The following CHSY3 variants were observed in gnomAD, a reference collection of about 807,000 sequenced individuals.
CHSY3 encodes the protein chondroitin sulfate synthase 3, also known as N-acetylgalactosaminyl-proteoglycan 3-beta-glucuronosyltransferase 3.
In CHSY3, 35 loss-of-function variants were observed where a neutral mutation model predicts 67.2. The ratio of observed to expected loss-of-function variants is 0.52; its 90% CI spans 0.40 to 0.69. The LOEUF is 0.69. CHSY3 is among the 30% of genes least tolerant of loss of function. CHSY3 has a pLI of 0.00. For missense variants in CHSY3, 1,069 were observed against 1,138.5 expected, an observed-to-expected ratio of 0.94 and a Z score of 0.88; for synonymous variants, 474 against 434.7, an observed-to-expected ratio of 1.09 and a Z score of -1.12.
At chr5:130,106,370 C>G (rs1350190664) in intron 2 of CHSY3, among the ~76,000 whole-genome samples, 1 of 151,464 alleles carries the variant, frequency 6.6e-6, no homozygotes, top group Non-Finnish European at 1.5e-5. Context: ...CATATCACTC[C>G]CAGCAGTACA....
chr5:129,959,773 T>G (rs1343746349), intron 2 of CHSY3, among the ~76,000 whole-genome samples: 2 of 152,082 alleles, frequency 1.3e-5, no homozygotes, highest in East Asian at 3.9e-4. Context: ...CCGATTACAG[T>G]TTTTACTTTG....
At position 129,904,975 on chromosome 5, in the gene CHSY3, G is replaced by A. The variant is rs776183584; in HGVS notation, c.146G>A (p.Gly49Asp). The A allele has an allele frequency of 1.3e-6, 2 of 1,567,608 alleles. No individual in the cohort carries two copies. The highest frequency in any genetic ancestry group is 2.3e-5 in the South Asian group (2 of 86,308). Residue 49 changes from glycine (G) to aspartate (D), a missense_variant, in exon 1 of 3, where the codon GGT becomes GAT. Coordinates refer to ENST00000305031, the MANE Select transcript of CHSY3 (RefSeq NM_175856.5). ...RRGSSLCSYYGRSAAGPRAGA... is the reference protein window; with the variant it reads ...RRGSSLCSYYDRSAAGPRAGA... Reference sequence around the variant, plus strand: ...GGCTCCAGCCTCTGCTCCTACTACGGTCGCTCTGCTGCTGGCCCCCGCGCC... The same window carrying A: ...GGCTCCAGCCTCTGCTCCTACTACGATCGCTCTGCTGCTGGCCCCCGCGCC...
At chr5:130,015,348 G>T (rs1046568532) in intron 2 of CHSY3, among the ~76,000 whole-genome samples, 1 of 152,058 alleles carries the variant, frequency 6.6e-6, no homozygotes, top group African/African-American at 2.4e-5. Flanking sequence ...TATCTTCACA[G>T]CAGTGTGAGA....
intron 2 of CHSY3, among the ~76,000 whole-genome samples, chr5:129,962,650 C>G (rs1004137667): frequency 2.0e-5 from 3 of 152,008 alleles, no homozygotes; most frequent in Non-Finnish European, 4.4e-5. Context: ...GTCTCATGCT[C>G]TCTGCTCTCT....
At chr5:130,094,110 A>G (rs1258783446) in intron 2 of CHSY3, among the ~76,000 whole-genome samples, 1 of 152,136 alleles carries the variant, frequency 6.6e-6, no homozygotes, top group Non-Finnish European at 1.5e-5. Context: ...CCTTCTAGTA[A>G]TCTTTGACAA....
chr5:130,008,378 G>T (rs966736882), intron 2 of CHSY3, among the ~76,000 whole-genome samples: 1 of 152,176 alleles, frequency 6.6e-6, no homozygotes, highest in African/African-American at 2.4e-5. Context: ...TTGGCCCCCT[G>T]AAATCATTGA....
chr5:129,966,554 C>G (rs1423382774), intron 2 of CHSY3, among the ~76,000 whole-genome samples: 1 of 151,252 alleles, frequency 6.6e-6, no homozygotes, highest in Non-Finnish European at 1.5e-5. Flanking sequence ...AAGTAAATAA[C>G]AAATACCTTT....
In CHSY3 at chr5:129,904,990, G is replaced by C. The variant is rs762105107; in HGVS notation, c.161G>C (p.Gly54Ala). 1.3e-6 allele frequency: 2 copies of C among 1,567,062 alleles called. No homozygotes were observed. Among genetic ancestry groups the C allele is most frequent in the South Asian group, 2.3e-5 (2 of 86,404 alleles). ...LCSYYGRSAAGPRAGAQQPLP... is the reference protein window; with the variant it reads ...LCSYYGRSAAAPRAGAQQPLP... ...TCCTACTACGGTCGCTCTGCTGCTG[G>C]CCCCCGCGCCGGCGCTCAGCAGCCG... The change falls in exon 1 of 3, where the codon GGC becomes GCC. Residue 54 changes from glycine to alanine, a missense_variant. Physicochemically the swap from Gly to Ala is moderately conservative, Grantham distance 60. This residue lies in a region of CHSY3 where 309 missense variants were observed against 262.5 expected (regional missense o/e 1.18). Transcript: ENST00000305031.
At chr5:129,933,783 TTTTCATATAATTCTAAATTA>T (rs1359267118) in intron 2 of CHSY3, among the ~76,000 whole-genome samples, 4 of 152,156 alleles carry the variant, frequency 2.6e-5, no homozygotes. Flanking sequence ...TCATGTAATT[TTTTCATATAATTCTAAATTA>T]TTTCATATAA....
chr5:129,924,136 A>G (rs1425080006), intron 2 of CHSY3, among the ~76,000 whole-genome samples: 2 of 152,168 alleles, frequency 1.3e-5, no homozygotes, highest in East Asian at 3.9e-4. Flanking sequence ...TGGTTCAAAC[A>G]CTAAAAAGCA....
At chr5:130,001,796 C>A in intron 2 of CHSY3, 1 of 812,152 alleles carries the variant, frequency 1.2e-6, no homozygotes, top group African/African-American at 1.9e-5. Flanking sequence ...TCCTGTATAT[C>A]TAGATTATGG....
At chr5:129,933,277 G>T (rs1761377418) in intron 2 of CHSY3, among the ~76,000 whole-genome samples, 1 of 152,056 alleles carries the variant, frequency 6.6e-6, no homozygotes, top group Admixed American at 6.6e-5. Context: ...GTAAAATTCT[G>T]TGGAAAGGAG....
rs189194089 is a variant in CHSY3, at chr5:130,007,358, C to T, written c.1086+98998C>T. Among the ~76,000 whole-genome samples the T allele has an allele frequency of 1.4e-3, 209 of 151,988 alleles. 3 individuals are homozygous for T. The highest frequency in any genetic ancestry group is 6.8e-3 in the Middle Eastern group (2 of 294). On this transcript the variant is annotated intron_variant, in intron 2 of 2. Coordinates refer to ENST00000305031, the MANE Select transcript of CHSY3 (RefSeq NM_175856.5). The stretch of plus-strand genomic sequence containing the variant: ...GGAAGAGTTTCTCCCACTGAGAGGC[C>T]GGACCATCAAAAAGATGCACAATCC...
chr5:130,027,585 T>TA, intron 2 of CHSY3, among the ~76,000 whole-genome samples: 1 of 152,094 alleles, frequency 6.6e-6, no homozygotes, highest in Admixed American at 6.6e-5. Flanking sequence ...ACTCATCATT[T>TA]ACATTAGGTA....
chr5:129,918,654 G>A (rs1760810766), intron 2 of CHSY3, among the ~76,000 whole-genome samples: 2 of 152,120 alleles, frequency 1.3e-5, no homozygotes, highest in African/African-American at 2.4e-5. Context: ...GGCAAAGATG[G>A]AAGAATAGTA....
Position 129,905,379 on chromosome 5 carries a change from C to G in CHSY3, c.550C>G (p.Leu184Val). Residue 184 changes from leucine (L) to valine (V), a missense_variant, in exon 1 of 3, where the codon CTG (leucine) becomes GTG (valine). Leu to Val is a conservative substitution (Grantham distance 32). This residue lies in a region of CHSY3 where 216 missense variants were observed against 311.5 expected (regional missense o/e 0.69). Coordinates refer to ENST00000305031, the MANE Select transcript of CHSY3 (RefSeq NM_175856.5). Reference sequence around the variant, plus strand: ...GGGGGTGATGACCGCGCAGAAGTACCTGGGCAGCCGCGCGCTGGCCGCGCA... The same window carrying G: ...GGGGGTGATGACCGCGCAGAAGTACGTGGGCAGCCGCGCGCTGGCCGCGCA... ...YVGVMTAQKY[L>V]GSRALAAQRT... 1.3e-6 allele frequency: 2 copies of G among 1,595,528 alleles called. No homozygotes were observed. The highest frequency in any genetic ancestry group is 1.7e-6 in the Non-Finnish European group (2 of 1,173,084).
chr5:130,030,781 A>T (rs1009067708), intron 2 of CHSY3, among the ~76,000 whole-genome samples: 3 of 152,050 alleles, frequency 2.0e-5, no homozygotes, highest in South Asian at 2.1e-4. Flanking sequence ...CTTTAGTGTT[A>T]TTCCCCGGAG....
intron 2 of CHSY3, among the ~76,000 whole-genome samples, chr5:129,912,331 T>C (rs564585760): frequency 1.3e-5 from 2 of 152,272 alleles, no homozygotes; most frequent in African/African-American, 4.8e-5. Flanking sequence ...TGAATTTCTC[T>C]GGCATCTTCA....
At chr5:129,987,410 T>C (rs1763236538) in intron 2 of CHSY3, among the ~76,000 whole-genome samples, 1 of 152,218 alleles carries the variant, frequency 6.6e-6, no homozygotes, top group Non-Finnish European at 1.5e-5. Flanking sequence ...TTATGACAGA[T>C]TTTTAAACAG....
Sources: gnomAD v4.1 joint callset for allele counts (sites outside exome capture counted in the v4.1 genomes callset) on GRCh38, gnomAD v4.1.1 for gene constraint, gnomAD v4.1.1 regional missense constraint, MANE v1.5 for transcripts, NCBI Gene and HGNC (gene_info 2026-07-23, HGNC 2026-07-21) for gene names.